The following WFS1 variants were observed in gnomAD, a reference collection of about 807,000 sequenced individuals.
WFS1 encodes the protein wolframin.
In WFS1, 90 loss-of-function variants were observed where a neutral mutation model predicts 68.5. That is an observed-to-expected ratio of 1.31 (90% CI 1.11 to 1.56). The LOEUF (loss-of-function observed/expected upper bound fraction) is 1.56. Ranked by LOEUF, WFS1 falls within the 40% of genes most tolerant of loss-of-function variation. The pLI is 0.00. For synonymous variants in WFS1, 860 were observed against 540.7 expected (o/e 1.59, Z -8.19); for missense variants, 1,767 against 1,232.6 (o/e 1.43, Z -6.49).
chr4:6,289,521 G>A (rs1730405366), intron 4 of WFS1, among the ~76,000 whole-genome samples: 2 of 152,230 alleles, frequency 1.3e-5, no homozygotes, highest in South Asian at 2.1e-4. Context: ...GATGTCCGTC[G>A]AGTCTGGGCA....
intron 2 of WFS1, among the ~76,000 whole-genome samples, chr4:6,284,261 T>C (rs977158722): frequency 1.3e-5 from 2 of 152,038 alleles, no homozygotes; most frequent in African/African-American, 4.8e-5. Flanking sequence ...TATTCCCAGC[T>C]ACTCAGGAGG....
At chr4:6,276,872 C>T (rs2109107421) in intron 1 of WFS1, among the ~76,000 whole-genome samples, 1 of 152,358 alleles carries the variant, frequency 6.6e-6, no homozygotes, top group African/African-American at 2.4e-5. Flanking sequence ...GGCCAGTGGT[C>T]CTCCTGCTCC....
At chr4:6,284,819 G>A (rs1179611164) in intron 2 of WFS1, among the ~76,000 whole-genome samples, 1 of 150,654 alleles carries the variant, frequency 6.6e-6, no homozygotes. Flanking sequence ...ACCTTACTGT[G>A]GAGCATGGAT....
chr4:6,293,434 G>C (rs997222700), intron 6 of WFS1, among the ~76,000 whole-genome samples: 1 of 152,168 alleles, frequency 6.6e-6, no homozygotes, highest in Non-Finnish European at 1.5e-5. Context: ...TCCCAGAAAG[G>C]GGCGTCTGTC....
At chr4:6,292,070 G>A in intron 6 of WFS1, 73 bp downstream of exon 6, 1 of 1,467,708 alleles carries the variant, frequency 6.8e-7, no homozygotes, top group Admixed American at 2.0e-5. Context: ...TCCTTCCTGT[G>A]CGACTCCATC....
intron 1 of WFS1, among the ~76,000 whole-genome samples, chr4:6,276,002 A>G (rs1729982571): frequency 6.6e-6 from 1 of 152,184 alleles, no homozygotes; most frequent in South Asian, 2.1e-4. Flanking sequence ...TGGGCTGCTC[A>G]GGACCACACA....
intron 2 of WFS1, among the ~76,000 whole-genome samples, chr4:6,278,904 T>C (rs1730073833): frequency 6.6e-6 from 1 of 152,232 alleles, no homozygotes; most frequent in African/African-American, 2.4e-5. Context: ...TTGGTTTCAA[T>C]CTGGGTAATG....
chr4:6,274,247 C>T (rs1277188454), intron 1 of WFS1, among the ~76,000 whole-genome samples: 1 of 151,852 alleles, frequency 6.6e-6, no homozygotes. Context: ...CGGGGTTTCA[C>T]TGTGTTAGCC....
chr4:6,301,148 AGAG>A lies in WFS1; in HGVS notation c.1354_1356del (p.Glu452del). 6.2e-7 allele frequency: 1 copy of A among 1,613,102 alleles called. No homozygotes were observed. The highest frequency in any genetic ancestry group is 2.2e-5 in the East Asian group (1 of 44,856). On this transcript the variant is annotated inframe_deletion, in exon 8 of 8. Transcript: ENST00000226760. Reference sequence around the variant, plus strand: ...GCTACCTGAGCCTGAGCACCCATGCAGAGCCCTACACGCGCAGGGCCCTGGCCA... The same window carrying A: ...GCTACCTGAGCCTGAGCACCCATGCACCCTACACGCGCAGGGCCCTGGCCA...
rs1159812254 is a variant in WFS1 at position 6,300,671 on chromosome 4, C to G, written c.876C>G (p.Pro292=). The G allele has an allele frequency of 1.9e-6, 3 of 1,614,006 alleles. No individual in the cohort carries two copies. Among genetic ancestry groups the G allele is most frequent in the Non-Finnish European group, 2.5e-6 (3 of 1,179,948 alleles). The change falls in exon 8 of 8, where the codon CCC becomes CCG. Residue 292 remains proline, a synonymous_variant. Transcript: ENST00000226760. The stretch of plus-strand genomic sequence containing the variant: ...CTTTCCCCCAGGTGGTCAAGTACCC[C>G]CTGCACGCCATCATGGAGATCAAGG... ...LPLRLKVVKY[P]LHAIMEIKEY...
intron 4 of WFS1, among the ~76,000 whole-genome samples, 157 bp downstream of exon 4, chr4:6,289,288 ACT>A (rs1491320512): frequency 1.3e-5 from 2 of 152,154 alleles, no homozygotes; most frequent in Admixed American, 1.3e-4. Flanking sequence ...CATTTTAGAC[ACT>A]GTTTCTGGAC....
At chr4:6,297,478 T>C (rs887492016) in intron 7 of WFS1, among the ~76,000 whole-genome samples, 1 of 152,226 alleles carries the variant, frequency 6.6e-6, no homozygotes, top group African/African-American at 2.4e-5. Flanking sequence ...TAGAATCCTC[T>C]GAAAACAAAC....
At chr4:6,296,427 AC>A (rs1332883727) in intron 7 of WFS1, among the ~76,000 whole-genome samples, 3 of 152,326 alleles carry the variant, frequency 2.0e-5, no homozygotes, top group African/African-American at 7.2e-5. Context: ...TATGACACCG[AC>A]CGGTCTGCAG....
At chr4:6,298,649 C>T (rs1730721860) in intron 7 of WFS1, among the ~76,000 whole-genome samples, 1 of 151,746 alleles carries the variant, frequency 6.6e-6, no homozygotes, top group African/African-American at 2.4e-5. Context: ...TGTAGACATG[C>T]ATGCACACAC....
intron 2 of WFS1, among the ~76,000 whole-genome samples, chr4:6,282,419 G>A (rs913648441): frequency 2.0e-4 from 30 of 152,314 alleles, no homozygotes; most frequent in African/African-American, 4.6e-4. Context: ...TGTTGTGGGC[G>A]TCACGAGAGG....
chr4:6,299,114 A>G (rs996292943), intron 7 of WFS1, among the ~76,000 whole-genome samples: 14 of 152,302 alleles, frequency 9.2e-5, no homozygotes, highest in Admixed American at 7.2e-4. Flanking sequence ...CACCATGGCC[A>G]CTTTGTCCCC....
intron 6 of WFS1, among the ~76,000 whole-genome samples, chr4:6,293,621 C>G (rs1730531259): frequency 6.6e-6 from 1 of 152,156 alleles, no homozygotes. Flanking sequence ...AGCCCTCTCC[C>G]CCACCAGGCC....
intron 2 of WFS1, among the ~76,000 whole-genome samples, chr4:6,279,485 C>A (rs1730091195): frequency 6.6e-6 from 1 of 152,164 alleles, no homozygotes; most frequent in African/African-American, 2.4e-5. Context: ...ACCGTGGAGC[C>A]TGTGCTCACT....
chr4:6,295,236 C>T, intron 7 of WFS1, 47 bp downstream of exon 7: 1 of 1,607,286 alleles, frequency 6.2e-7, no homozygotes, highest in Non-Finnish European at 8.5e-7. Context: ...CTCCCAAGGA[C>T]TCGCGCACCT....
Sources: gnomAD v4.1 joint callset for allele counts (sites outside exome capture counted in the v4.1 genomes callset) on GRCh38, gnomAD v4.1.1 for gene constraint, MANE v1.5 for transcripts, NCBI Gene and HGNC (gene_info 2026-07-23, HGNC 2026-07-21) for gene names.